SAMD9L: variants seen among roughly 807,000 people sequenced by gnomAD.
SAMD9L encodes sterile alpha motif domain containing 9 like.
Under a neutral mutation model 90.7 loss-of-function variants are expected in SAMD9L, and 68 were observed. That is an observed-to-expected ratio of 0.75 (90% confidence interval 0.62 to 0.92). The LOEUF (loss-of-function observed/expected upper bound fraction) is 0.92, where lower values mean the gene tolerates loss of function less well. Ranked by LOEUF, SAMD9L falls within the 40% of genes least tolerant of loss-of-function variation. The pLI, the probability that SAMD9L is intolerant of heterozygous loss-of-function variation, is 0.00. For synonymous variants in SAMD9L, 640 were observed against 630.1 expected, an observed-to-expected ratio of 1.02 and a Z score of -0.23; for missense variants, 1,604 against 1,824.3, an observed-to-expected ratio of 0.88 and a Z score of 2.20.
chr7:93,136,950 T>G (rs1257708218), intron 4 of SAMD9L, among the ~76,000 whole-genome samples: 1 of 152,172 alleles, frequency 6.6e-6, no homozygotes, highest in East Asian at 1.9e-4. Context: ...ACTAGCAGCA[T>G]CAGCATCACT....
At chr7:93,142,599 TCTC>T (rs777340547) in intron 4 of SAMD9L, among the ~76,000 whole-genome samples, 3 of 152,334 alleles carry the variant, frequency 2.0e-5, no homozygotes, top group Non-Finnish European at 4.4e-5. Flanking sequence ...TTCTAACACT[TCTC>T]CTCAGGTTTT....
rs1348989036 is a variant in SAMD9L at position 93,134,495 on chromosome 7, G to A, written c.1477C>T (p.Pro493Ser). The A allele has an allele frequency of 1.2e-6, 2 of 1,613,954 alleles. No homozygotes were observed. The change falls in exon 5 of 5, where the codon CCC becomes TCC. Residue 493 changes from proline (P) to serine (S), a missense_variant. By Grantham distance (74) the Pro-to-Ser change is moderately conservative. Transcript: ENST00000318238. ...CTGCCGTTGCAGAAAATCCAGCTGGGCTGTTGGTAAAGATTAAGAGTAGAA... is the reference window on the plus strand; with the variant it reads ...CTGCCGTTGCAGAAAATCCAGCTGGACTGTTGGTAAAGATTAAGAGTAGAA... ...KISTLNLYQQPSWIFCNGRSD... is the reference protein window; with the variant it reads ...KISTLNLYQQSSWIFCNGRSD...
chr7:93,131,264 C>T lies in SAMD9L; in HGVS notation c.4708G>A (p.Gly1570Arg). Residue 1570 changes from glycine (G) to arginine (R), a missense_variant, in exon 5 of 5, where the codon GGA becomes AGA. By Grantham distance (125) the Gly-to-Arg change is moderately radical (BLOSUM62 -2). Around this residue, in one of 7 missense-constraint regions of SAMD9L, gnomAD observed 282 missense variants for 329.6 expected, o/e 0.86. Coordinates refer to ENST00000318238, the MANE Select transcript of SAMD9L (RefSeq NM_152703.5). ...GCCAGAGGGCCTTCAATGGAAAATC[C>T]TAGGTAGAAAGACACTCTTTCTATG... Reference protein sequence around the residue: ...RNIERVSFYLGFSIEGPLAYD... With the variant: ...RNIERVSFYLRFSIEGPLAYD... 1 of 1,596,710 alleles carries T rather than the reference C, an allele frequency of 6.3e-7. No individual in the cohort carries two copies. Among genetic ancestry groups the T allele is most frequent in the Non-Finnish European group, 8.5e-7 (1 of 1,173,772 alleles).
chr7:93,135,188 C>T lies in SAMD9L; in HGVS notation c.784G>A (p.Asp262Asn), dbSNP rs751440987. The T allele has an allele frequency of 1.2e-6, 2 of 1,613,916 alleles. No individual in the cohort carries two copies. Among genetic ancestry groups the T allele is most frequent in the Admixed American group, 1.7e-5 (1 of 59,998 alleles). The change falls in exon 5 of 5, where the codon GAC (aspartate) becomes AAC (asparagine). Residue 262 changes from aspartate to asparagine, a missense_variant. Asp to Asn is a conservative substitution (Grantham distance 23). Around this residue, in one of 7 missense-constraint regions of SAMD9L, gnomAD observed 374 missense variants for 363.6 expected, o/e 1.03. Transcript: ENST00000318238. ...VKITSKAAFIDHFNVMIKKYF... is the reference protein window; with the variant it reads ...VKITSKAAFINHFNVMIKKYF... The stretch of plus-strand genomic sequence containing the variant: ...TTTTTGATCATTACATTGAAGTGGT[C>T]AATGAAGGCAGCCTTACTGGTGATT...
Position 93,135,333 on chromosome 7 carries a change from A to T in SAMD9L, c.639T>A (p.Ile213=), listed in dbSNP as rs1183418853. 1.2e-6 allele frequency: 2 copies of T among 1,614,092 alleles called. No individual in the cohort carries two copies. The highest frequency in any genetic ancestry group is 1.7e-6 in the Non-Finnish European group (2 of 1,179,996). The part of the protein sequence containing the change: ...TNTETATEVD[I]KMKFSNEVFR... Reference sequence around the variant, plus strand: ...AGACTTCATTGCTGAATTTCATCTTAATGTCCACTTCCGTGGCTGTTTCTG... The same window carrying T: ...AGACTTCATTGCTGAATTTCATCTTTATGTCCACTTCCGTGGCTGTTTCTG... Residue 213 remains isoleucine (I), a synonymous_variant, in exon 5 of 5, where the codon ATT becomes ATA. Transcript: ENST00000318238.
In SAMD9L at chr7:93,131,795, G is replaced by A; in HGVS notation, c.4177C>T (p.Leu1393=). 6.2e-7 allele frequency: 1 copy of A among 1,613,376 alleles called. No individual in the cohort carries two copies. Among genetic ancestry groups the A allele is most frequent in the Non-Finnish European group, 8.5e-7 (1 of 1,179,748 alleles). The change falls in exon 5 of 5, where the codon CTA becomes TTA. Residue 1393 remains leucine, a synonymous_variant. Transcript: ENST00000318238. ...TGAATTAACTTGGAGTTGGGCTTTA[G>A]ACAACTCAGAATAATGTTGGCCAAA... is the stretch of plus-strand genomic sequence containing the variant. ...SILANIILSC[L]KPNSKLIQPL...
chr7:93,142,284 A>G (rs1398038924), intron 4 of SAMD9L, among the ~76,000 whole-genome samples: 1 of 152,196 alleles, frequency 6.6e-6, no homozygotes, highest in African/African-American at 2.4e-5. Context: ...AACCTCCATG[A>G]GAACAGACAT....
At position 93,133,831 on chromosome 7, in the gene SAMD9L, C is replaced by A; in HGVS notation, c.2141G>T (p.Ser714Ile). 6.2e-7 allele frequency: 1 copy of A among 1,613,448 alleles called. No homozygotes were observed. The highest frequency in any genetic ancestry group is 8.5e-7 in the Non-Finnish European group (1 of 1,179,766). ...NYSSDFVKRD[S>I]YEKLKDLIHC... Reference sequence around the variant, plus strand: ...TATTAAATCTTTAAGCTTTTCATAACTGTCCCTTTTAACAAAATCTGAAGA... The same window carrying A: ...TATTAAATCTTTAAGCTTTTCATAAATGTCCCTTTTAACAAAATCTGAAGA... The change falls in exon 5 of 5, where the codon AGT becomes ATT. Residue 714 changes from serine to isoleucine, a missense_variant. Transcript: ENST00000318238.
intron 4 of SAMD9L, among the ~76,000 whole-genome samples, chr7:93,144,334 GAA>G (rs370076394): frequency 3.1e-4 from 47 of 150,460 alleles, no homozygotes; most frequent in African/African-American, 1.1e-3. Context: ...GAAAATATTT[GAA>G]AAAAAAATTG....
At chr7:93,138,524 T>A (rs754655268) in intron 4 of SAMD9L, among the ~76,000 whole-genome samples, 32 of 152,076 alleles carry the variant, frequency 2.1e-4, no homozygotes, top group Non-Finnish European at 4.3e-4. Context: ...GCCTAGGATA[T>A]ATGAGGAAGA....
Position 93,134,558 on chromosome 7 carries a change from G to C in SAMD9L, c.1414C>G (p.Gln472Glu), listed in dbSNP as rs754186398. The change falls in exon 5 of 5, where the codon CAA becomes GAA. Residue 472 changes from glutamine to glutamate, a missense_variant. Physicochemically the swap from Gln to Glu is conservative, Grantham distance 29. Coordinates refer to ENST00000318238, the MANE Select transcript of SAMD9L (RefSeq NM_152703.5). ...ATGTTAGTTGTCTTGTCTTCATATT[G>C]ATTTGGAAAGTGAAGGTTTGCCACC... ...SRVANLHFPN[Q>E]YEDKTTNMWE... The C allele has an allele frequency of 2.5e-6, 4 of 1,613,792 alleles. No homozygotes were observed. The highest frequency in any genetic ancestry group is 3.4e-6 in the Non-Finnish European group (4 of 1,179,808).
Position 93,134,804 on chromosome 7 carries a change from T to C in SAMD9L, c.1168A>G (p.Lys390Glu), listed in dbSNP as rs777704581. Residue 390 changes from lysine (K) to glutamate (E), a missense_variant, in exon 5 of 5, where the codon AAG becomes GAG. Coordinates refer to ENST00000318238, the MANE Select transcript of SAMD9L (RefSeq NM_152703.5). The part of the protein sequence containing the change: ...AEEEYGMKAM[K>E]KESEGLKLVK... ...AGCTTTAGTCCTTCACTCTCCTTCTTCATTGCCTTCATTCCATACTCTTCT... is the reference window on the plus strand; with the variant it reads ...AGCTTTAGTCCTTCACTCTCCTTCTCCATTGCCTTCATTCCATACTCTTCT... 22 of 1,613,700 alleles carry C rather than the reference T, an allele frequency of 1.4e-5. No individual in the cohort carries two copies. The highest frequency in any genetic ancestry group is 1.8e-5 in the Non-Finnish European group (21 of 1,179,910).
rs765387851 is a variant in SAMD9L at position 93,133,303 on chromosome 7, A to C, written c.2669T>G (p.Met890Arg). 6.2e-7 allele frequency: 1 copy of C among 1,612,342 alleles called. No individual in the cohort carries two copies. The highest frequency in any genetic ancestry group is 2.2e-5 in the East Asian group (1 of 44,844). The change falls in exon 5 of 5, where the codon ATG becomes AGG. Residue 890 changes from methionine to arginine, a missense_variant. Coordinates refer to ENST00000318238, the MANE Select transcript of SAMD9L (RefSeq NM_152703.5). ...HKNCENFYSF[M>R]IMKSNFDETY... ...TTCATCAAAATTGCTTTTCATGATC[A>C]TGAAGGAATAAAAGTTTTCACAGTT...
At chr7:93,147,911 A>G (rs1360214211) in intron 1 of SAMD9L, among the ~76,000 whole-genome samples, 5 of 152,200 alleles carry the variant, frequency 3.3e-5, no homozygotes, top group African/African-American at 1.2e-4. Flanking sequence ...TCGTTTCTCT[A>G]TCCTCTTTTC....
rs1792075583 is a variant in SAMD9L, at chr7:93,131,286, T to C, written c.4686A>G (p.Ile1562Met). Residue 1562 changes from isoleucine (I) to methionine (M), a missense_variant, in exon 5 of 5, where the codon ATA becomes ATG. This residue lies in a region of SAMD9L where 282 missense variants were observed against 329.6 expected (regional missense o/e 0.86). Coordinates refer to ENST00000318238, the MANE Select transcript of SAMD9L (RefSeq NM_152703.5). ...YSGPLRSGRNIERVSFYLGFS... is the reference protein window; with the variant it reads ...YSGPLRSGRNMERVSFYLGFS... The stretch of plus-strand genomic sequence containing the variant: ...ATCCTAGGTAGAAAGACACTCTTTC[T>C]ATGTTCCTACCACTTCTGAGTGGAC... The C allele has an allele frequency of 6.2e-7, 1 of 1,609,268 alleles. No homozygotes were observed. Among genetic ancestry groups the C allele is most frequent in the Admixed American group, 1.7e-5 (1 of 59,088 alleles).
chr7:93,133,734 T>G lies in SAMD9L; in HGVS notation c.2238A>C (p.Gly746=), dbSNP rs1211445875. ...GAACATGCATAGCCAGTGTGGTACC[T>G]CCACAGCCTGGATGATGATAAAGAT... ...IINLYHHPGC[G]GTTLAMHVLW... The change falls in exon 5 of 5, where the codon GGA becomes GGC. Residue 746 remains glycine, a synonymous_variant. Coordinates refer to ENST00000318238, the MANE Select transcript of SAMD9L (RefSeq NM_152703.5). The G allele has an allele frequency of 1.2e-6, 2 of 1,613,546 alleles. No homozygotes were observed. Among genetic ancestry groups the G allele is most frequent in the African/African-American group, 2.7e-5 (2 of 74,890 alleles).
chr7:93,131,424 AT>A lies in SAMD9L; in HGVS notation c.4547del (p.Asn1516MetfsTer10). The A allele has an allele frequency of 1.2e-6, 2 of 1,613,348 alleles. No homozygotes were observed. The highest frequency in any genetic ancestry group is 2.2e-5 in the East Asian group (1 of 44,858). On this transcript the variant is annotated frameshift_variant, in exon 5 of 5. Transcript: ENST00000318238. LOFTEE classifies it high-confidence loss of function. ...GACGACGCAGGAGGTCTTTGACTTC[AT>A]TTTTTTTCCACACATCCCCACTGTG... Reference protein sequence around the residue: ...LWHSGDVWKKNEVKDLLRRLT... With the variant: ...LWHSGDVWKKXEVKDLLRRLT...
chr7:93,140,283 T>A (rs1792636471), intron 4 of SAMD9L, among the ~76,000 whole-genome samples: 1 of 149,318 alleles, frequency 6.7e-6, no homozygotes, highest in Non-Finnish European at 1.5e-5. Context: ...ACAATGGCCC[T>A]CCACACCCTG....
chr7:93,140,983 G>A (rs925861861), intron 4 of SAMD9L, among the ~76,000 whole-genome samples: 5 of 152,150 alleles, frequency 3.3e-5, no homozygotes, highest in African/African-American at 1.2e-4. Flanking sequence ...TACACTTTCT[G>A]TTTCCTGTTT....
Sources: gnomAD v4.1 joint callset for allele counts (sites outside exome capture counted in the v4.1 genomes callset) on GRCh38, gnomAD v4.1.1 for gene constraint, gnomAD v4.1.1 regional missense constraint, MANE v1.5 for transcripts, NCBI Gene and HGNC (gene_info 2026-07-23, HGNC 2026-07-21) for gene names.